The following HS3ST3A1 variants were observed in gnomAD, a reference collection of about 807,000 sequenced individuals.
The protein encoded by HS3ST3A1 is heparan sulfate glucosamine 3-O-sulfotransferase 3A1.
HS3ST3A1 carries 19 observed loss-of-function variants against 25.7 expected under a neutral mutation model. The ratio of observed to expected loss-of-function variants is 0.74; its 90% confidence interval spans 0.52 to 1.08. HS3ST3A1 has a LOEUF of 1.08. Ranked by LOEUF, HS3ST3A1 falls within the 50% of genes least tolerant of loss-of-function variation. The pLI, the probability that HS3ST3A1 is intolerant of heterozygous loss-of-function variation, is 0.00. For synonymous variants in HS3ST3A1, 226 were observed against 278.6 expected (o/e 0.81, Z 1.88); for missense variants, 459 against 594.3 (o/e 0.77, Z 2.37).
chr17:13,528,269 A>G (rs1425302178), intron 1 of HS3ST3A1, among the ~76,000 whole-genome samples: 1 of 152,240 alleles, frequency 6.6e-6, no homozygotes, highest in East Asian at 1.9e-4. Flanking sequence ...GGCAACAAAA[A>G]GGATGGGAAA....
chr17:13,600,865 G>A lies in HS3ST3A1; in HGVS notation c.265C>T (p.Arg89Cys). 1 of 1,453,866 alleles carries A rather than the reference G, an allele frequency of 6.9e-7. No homozygotes were observed. The highest frequency in any genetic ancestry group is 9.0e-7 in the Non-Finnish European group (1 of 1,112,698). The allele number at this position is 1,453,866 out of a possible 1,614,324, so 90.1% of individuals were successfully genotyped here. A position where few individuals can be genotyped will look rare whatever the true frequency, so the allele number is the denominator to read the frequency against. The change falls in exon 1 of 2, where the codon CGC (arginine) becomes TGC (cysteine). Residue 89 changes from arginine (R) to cysteine (C), a missense_variant. Physicochemically the swap from Arg to Cys is radical, Grantham distance 180. This residue lies in a region of HS3ST3A1 where 346 missense variants were observed against 303.9 expected (regional missense o/e 1.14). Coordinates refer to ENST00000284110, the MANE Select transcript of HS3ST3A1 (RefSeq NM_006042.3). ...CGCCACTGCGGCAGTTGCAGGAGGC[G>A]CTTTCTCTGTGCCGCCGCCGGCCAC... ...AVWPAAAQRK[R>C]LLQLPQWRRR...
intron 1 of HS3ST3A1, among the ~76,000 whole-genome samples, chr17:13,535,470 G>C (rs1906743849): frequency 6.6e-6 from 1 of 152,148 alleles, no homozygotes. Context: ...GGAGAGTGTT[G>C]TTTCATTCAA....
At chr17:13,587,561 A>G (rs1426250442) in intron 1 of HS3ST3A1, among the ~76,000 whole-genome samples, 1 of 152,240 alleles carries the variant, frequency 6.6e-6, no homozygotes, top group Non-Finnish European at 1.5e-5. Context: ...ACGCTGTTTC[A>G]GTGCAGAAGT....
chr17:13,495,908 AC>A lies in HS3ST3A1; in HGVS notation c.*288del, dbSNP rs2142284685. The A allele has an allele frequency of 3.8e-6, 1 of 262,746 alleles. No individual in the cohort carries two copies. Among genetic ancestry groups the A allele is most frequent in the South Asian group, 1.4e-4 (1 of 7,268 alleles). 16.3% of individuals were successfully genotyped at this position (262,746 alleles called of 1,614,324 possible). ...TGTTTAACCTCAAGATTTTCTGAAA[AC>A]TTTTAATGACAACTGATGCTTATAC... On this transcript the variant is annotated 3_prime_UTR_variant, in exon 2 of 2. Transcript: ENST00000284110.
intron 1 of HS3ST3A1, among the ~76,000 whole-genome samples, chr17:13,575,117 T>C (rs1907920714): frequency 1.3e-5 from 2 of 152,262 alleles, no homozygotes; most frequent in South Asian, 4.1e-4. Flanking sequence ...TGCTTTAGCA[T>C]ACCAAGGCCA....
intron 1 of HS3ST3A1, among the ~76,000 whole-genome samples, chr17:13,565,542 ATAAG>A (rs67846955): frequency 0.34 from 51,741 of 151,832 alleles, 10,508 homozygotes; most frequent in East Asian, 0.5. Flanking sequence ...AAAAAAATAA[ATAAG>A]TAAGTAAAAT....
Position 13,580,872 on chromosome 17 carries a change from C to A in HS3ST3A1, c.599+19659G>T, listed in dbSNP as rs181029390. ...CGCCATTGCACTCCAGCCTGGGCAACAAGAGCAAAACTCCATCTCAAAAAC... is the reference window on the plus strand; with the variant it reads ...CGCCATTGCACTCCAGCCTGGGCAAAAAGAGCAAAACTCCATCTCAAAAAC... On this transcript the variant is annotated intron_variant, in intron 1 of 1. Transcript: ENST00000284110. Among the ~76,000 whole-genome samples, 7 of 151,886 alleles carry A rather than the reference C, an allele frequency of 4.6e-5. No individual in the cohort carries two copies. In the East Asian group the frequency reaches 1.4e-3, roughly 30 times the overall value.
intron 1 of HS3ST3A1, among the ~76,000 whole-genome samples, chr17:13,534,547 CA>C (rs34383911): frequency 0.042 from 1,373 of 32,766 alleles, 2 homozygotes; most frequent in African/African-American, 0.091. Context: ...CTACAAAATC[CA>C]AAAAAAAAAA....
At chr17:13,546,791 C>T (rs1211810015) in intron 1 of HS3ST3A1, among the ~76,000 whole-genome samples, 1 of 152,110 alleles carries the variant, frequency 6.6e-6, no homozygotes, top group Non-Finnish European at 1.5e-5. Context: ...AGTACAGTGC[C>T]AAGCAGCAGT....
rs1906636845 is a variant in HS3ST3A1 at position 13,532,618 on chromosome 17, T to C, written c.600-35800A>G. Among the ~76,000 whole-genome samples, 4 of 151,766 alleles carry C rather than the reference T, an allele frequency of 2.6e-5. No homozygotes were observed. In the South Asian group the frequency reaches 8.4e-4, roughly 32 times the overall value. On this transcript the variant is annotated intron_variant, in intron 1 of 1. Transcript: ENST00000284110. ...TGGAGATCAACACAAGCAAGATGGG[T>C]ATTAGGAGTTTACGAGAGAGTCGCT... is the stretch of plus-strand genomic sequence containing the variant.
At chr17:13,587,804 T>C (rs1598434383) in intron 1 of HS3ST3A1, among the ~76,000 whole-genome samples, 1 of 152,110 alleles carries the variant, frequency 6.6e-6, no homozygotes, top group Non-Finnish European at 1.5e-5. Context: ...TAGTTGAGCA[T>C]ATAATCACAT....
At chr17:13,534,593 T>A (rs1906712582) in intron 1 of HS3ST3A1, among the ~76,000 whole-genome samples, 1 of 133,050 alleles carries the variant, frequency 7.5e-6, no homozygotes, top group Non-Finnish European at 1.6e-5. Context: ...CCGGGCATGG[T>A]GGCATGCACC....
intron 1 of HS3ST3A1, among the ~76,000 whole-genome samples, chr17:13,584,938 G>A (rs888109948): frequency 2.6e-5 from 4 of 152,026 alleles, no homozygotes; most frequent in Admixed American, 6.6e-5. Flanking sequence ...ATGCCATGTG[G>A]CTTCTGTCAC....
chr17:13,574,074 C>T (rs186797938), intron 1 of HS3ST3A1, among the ~76,000 whole-genome samples: 188 of 152,116 alleles, frequency 1.2e-3, no homozygotes, highest in South Asian at 2.1e-3. Context: ...GCAGTTCTCA[C>T]CCCAGTACTC....
chr17:13,597,363 G>C (rs1405697924), intron 1 of HS3ST3A1, among the ~76,000 whole-genome samples: 2 of 152,058 alleles, frequency 1.3e-5, no homozygotes, highest in African/African-American at 2.4e-5. Context: ...GCCTGCTCTT[G>C]AACTACAGTA....
At position 13,600,551 on chromosome 17, in the gene HS3ST3A1, G is replaced by A. The variant is rs184051619; in HGVS notation, c.579C>T (p.Asp193=). The A allele has an allele frequency of 2.5e-6, 4 of 1,600,910 alleles. No individual in the cohort carries two copies. The African/African-American group carries it at 4.0e-5, about 16-fold the overall frequency. The change falls in exon 1 of 2, where the codon GAC becomes GAT. Residue 193 remains aspartate (D), a synonymous_variant. Coordinates refer to ENST00000284110, the MANE Select transcript of HS3ST3A1 (RefSeq NM_006042.3). ...AEPHFFDRSY[D]KGLAWYRDLM... ...CTCACCGGTACCAGGCGAGGCCCTTGTCGTAGCTGCGGTCGAAGAAGTGGG... is the reference window on the plus strand; with the variant it reads ...CTCACCGGTACCAGGCGAGGCCCTTATCGTAGCTGCGGTCGAAGAAGTGGG...
chr17:13,551,217 T>C (rs1366346736), intron 1 of HS3ST3A1, among the ~76,000 whole-genome samples: 1 of 150,748 alleles, frequency 6.6e-6, no homozygotes, highest in East Asian at 2.0e-4. Flanking sequence ...GGCGTGGTTG[T>C]GTGTGTCTGT....
Position 13,512,999 on chromosome 17 carries a change from T to C in HS3ST3A1, c.600-16181A>G, listed in dbSNP as rs1905927413. 2.0e-5 allele frequency among the ~76,000 whole-genome samples: 3 copies of C among 152,356 alleles called. No homozygotes were observed. The South Asian group carries it at 6.2e-4, about 32-fold the overall frequency. ...TTTGTCAAAATAGGAGAATAGGATGTATTTCATGTAACAGTTTATTAGCTT... is the reference window on the plus strand; with the variant it reads ...TTTGTCAAAATAGGAGAATAGGATGCATTTCATGTAACAGTTTATTAGCTT... On this transcript the variant is annotated intron_variant, in intron 1 of 1. Coordinates refer to ENST00000284110, the MANE Select transcript of HS3ST3A1 (RefSeq NM_006042.3).
At chr17:13,511,194 G>A (rs1905848544) in intron 1 of HS3ST3A1, among the ~76,000 whole-genome samples, 1 of 152,158 alleles carries the variant, frequency 6.6e-6, no homozygotes, top group Non-Finnish European at 1.5e-5. Context: ...ATTTATTACA[G>A]AAACCGTCAC....
Sources: gnomAD v4.1 joint callset for allele counts (sites outside exome capture counted in the v4.1 genomes callset) on GRCh38, gnomAD v4.1.1 for gene constraint, gnomAD v4.1.1 regional missense constraint, MANE v1.5 for transcripts, NCBI Gene and HGNC (gene_info 2026-07-23, HGNC 2026-07-21) for gene names.